The following PDS5B variants were observed in gnomAD, a reference collection of about 807,000 sequenced individuals.
The protein encoded by PDS5B is PDS5 cohesin associated factor B.
In PDS5B, 51 loss-of-function variants were observed where a neutral mutation model predicts 184.1. The ratio of observed to expected loss-of-function variants is 0.28; its 90% CI spans 0.22 to 0.35. The LOEUF (loss-of-function observed/expected upper bound fraction) is 0.35. Ranked by LOEUF, PDS5B falls within the 10% of genes least tolerant of loss-of-function variation. The pLI is 1.00. For synonymous variants in PDS5B, 566 were observed against 569.2 expected, an observed-to-expected ratio of 0.99 and a Z score of 0.08; for missense variants, 1,180 against 1,723.3, an observed-to-expected ratio of 0.68 and a Z score of 5.58.
Position 32,775,728 on chromosome 13 carries a change from G to T in PDS5B, c.*676G>T. 1 of 435,946 alleles carries T rather than the reference G, an allele frequency of 2.3e-6. No individual in the cohort carries two copies. Among genetic ancestry groups the T allele is most frequent in the Non-Finnish European group, 4.6e-6 (1 of 219,510 alleles). 27.0% of individuals were successfully genotyped at this position (435,946 alleles called of 1,614,324 possible). On this transcript the variant is annotated 3_prime_UTR_variant, in exon 35 of 35. Transcript: ENST00000315596. ...TTGGATTACTTTACACCTCAGTATT[G>T]ATTTGTCCCAGAATTTTCTGGCCTT... is the stretch of plus-strand genomic sequence containing the variant.
In PDS5B at chr13:32,706,914, CT is replaced by C; in HGVS notation, c.1857-14del. The C allele has an allele frequency of 3.3e-6, 5 of 1,512,414 alleles. No individual in the cohort carries two copies. Among genetic ancestry groups the C allele is most frequent in the Admixed American group, 1.8e-5 (1 of 55,748 alleles). The allele number at this position is 1,512,414 out of a possible 1,614,324, so 93.7% of individuals were successfully genotyped here. A position where few individuals can be genotyped will look rare whatever the true frequency, so the allele number is the denominator to read the frequency against. On this transcript the variant is annotated intron_variant, in intron 17 of 34. Transcript: ENST00000315596. ...TTGCTAGTAACATTTGAAAAAATGA[CT>C]TTTTTGGTCATATTTTAGTGCTCTT...
chr13:32,638,919 C>T (rs2058610992), intron 1 of PDS5B, among the ~76,000 whole-genome samples: 1 of 151,840 alleles, frequency 6.6e-6, no homozygotes, highest in Admixed American at 6.6e-5. Flanking sequence ...CGTTTGATGG[C>T]GCTTCTGTTT....
chr13:32,681,217 T>C (rs1199862281), intron 10 of PDS5B, among the ~76,000 whole-genome samples: 1 of 152,198 alleles, frequency 6.6e-6, no homozygotes, highest in Non-Finnish European at 1.5e-5. Context: ...TATAGAAGAT[T>C]CTTTCTTTCT....
chr13:32,674,446 T>C (rs1951015619), intron 8 of PDS5B, among the ~76,000 whole-genome samples: 1 of 152,126 alleles, frequency 6.6e-6, no homozygotes, highest in Non-Finnish European at 1.5e-5. Flanking sequence ...CCTGTCCCCT[T>C]TTTAATGTGG....
chr13:32,647,935 G>T (rs573193508), intron 1 of PDS5B, among the ~76,000 whole-genome samples: 2 of 152,144 alleles, frequency 1.3e-5, no homozygotes, highest in Non-Finnish European at 2.9e-5. Flanking sequence ...CTCTAGGCAG[G>T]ACTTGGATTT....
At chr13:32,621,591 A>T (rs2058302387) in intron 1 of PDS5B, among the ~76,000 whole-genome samples, 1 of 152,164 alleles carries the variant, frequency 6.6e-6, no homozygotes, top group Non-Finnish European at 1.5e-5. Context: ...TCTTTTTGGG[A>T]AGATTTTAAC....
intron 19 of PDS5B, among the ~76,000 whole-genome samples, chr13:32,720,974 T>A (rs1952655829): frequency 6.6e-6 from 1 of 152,064 alleles, no homozygotes; most frequent in East Asian, 1.9e-4. Flanking sequence ...GGTTATAGAT[T>A]AACAGCATCC....
intron 24 of PDS5B, among the ~76,000 whole-genome samples, chr13:32,747,736 T>A (rs1419701894): frequency 1.3e-5 from 2 of 152,248 alleles, no homozygotes; most frequent in African/African-American, 4.8e-5. Flanking sequence ...TATGTAATTA[T>A]TTTATTAAAT....
intron 9 of PDS5B, among the ~76,000 whole-genome samples, chr13:32,677,344 CTT>C: frequency 6.6e-6 from 1 of 152,004 alleles, no homozygotes; most frequent in Admixed American, 6.5e-5. Flanking sequence ...TAAATTAAGA[CTT>C]GGATTAGCTG....
intron 1 of PDS5B, among the ~76,000 whole-genome samples, chr13:32,623,091 G>A (rs938624314): frequency 3.3e-5 from 5 of 152,146 alleles, no homozygotes; most frequent in African/African-American, 1.2e-4. Context: ...CTGTTTTCGT[G>A]TGCTGAATCA....
chr13:32,701,373 C>T lies in PDS5B; in HGVS notation c.1791C>T (p.Phe597=). 6.2e-7 allele frequency: 1 copy of T among 1,612,788 alleles called. No individual in the cohort carries two copies. Residue 597 remains phenylalanine, a synonymous_variant, in exon 17 of 35, where the codon TTC becomes TTT. Transcript: ENST00000315596. ...ACCCCAAACAGCCTACAAATCCTTT[C>T]CTGGAAATGATCAAGTTTCTCTTGG... ...LGNPKQPTNP[F]LEMIKFLLER... is the part of the protein sequence containing the mutation.
Position 32,658,342 on chromosome 13 carries a change from A to G in PDS5B, c.399+17A>G. 3 of 1,420,064 alleles carry G rather than the reference A, an allele frequency of 2.1e-6. 1 individual carries two copies. Among genetic ancestry groups the G allele is most frequent in the South Asian group, 2.4e-5 (2 of 83,770 alleles). 88.0% of individuals were successfully genotyped at this position (1,420,064 alleles called of 1,614,324 possible). A position where few individuals can be genotyped will look rare whatever the true frequency, so the allele number is the denominator to read the frequency against. On this transcript the variant is annotated intron_variant, in intron 4 of 34. Transcript: ENST00000315596. Reference sequence around the variant, plus strand: ...TTACTTGAGGTAAGCAATATCTTGTATCTTGAGATGACATTTTAAACTGAT... The same window carrying G: ...TTACTTGAGGTAAGCAATATCTTGTGTCTTGAGATGACATTTTAAACTGAT...
chr13:32,599,322 G>A (rs1469920619), intron 1 of PDS5B, among the ~76,000 whole-genome samples: 1 of 151,762 alleles, frequency 6.6e-6, no homozygotes, highest in Non-Finnish European at 1.5e-5. Flanking sequence ...GGAGTGCAGT[G>A]GCGTGATCTC....
chr13:32,753,046 T>G (rs1026716693), intron 24 of PDS5B, among the ~76,000 whole-genome samples: 8 of 152,226 alleles, frequency 5.3e-5, no homozygotes, highest in African/African-American at 1.9e-4. Context: ...CCTTAATTTT[T>G]GTATCTTATT....
intron 18 of PDS5B, among the ~76,000 whole-genome samples, chr13:32,709,372 T>A (rs1172102411): frequency 5.3e-5 from 8 of 152,048 alleles, no homozygotes; most frequent in Admixed American, 1.3e-4. Flanking sequence ...CAGGACTATT[T>A]ATTTTCTGTT....
At chr13:32,737,392 T>C (rs1299146078) in intron 21 of PDS5B, among the ~76,000 whole-genome samples, 1 of 152,156 alleles carries the variant, frequency 6.6e-6, no homozygotes, top group Non-Finnish European at 1.5e-5. Flanking sequence ...CTTAATGGGC[T>C]CAGGATTCTT....
intron 24 of PDS5B, among the ~76,000 whole-genome samples, chr13:32,747,112 G>A (rs1953775230): frequency 6.6e-6 from 1 of 152,218 alleles, no homozygotes; most frequent in East Asian, 1.9e-4. Flanking sequence ...CAGTTTTATG[G>A]ATTTCTTGTT....
chr13:32,651,784 G>T lies in PDS5B; in HGVS notation c.109-20G>T. The T allele has an allele frequency of 2.7e-6, 4 of 1,483,144 alleles. No individual in the cohort carries two copies. Among genetic ancestry groups the T allele is most frequent in the South Asian group, 2.3e-5 (2 of 86,494 alleles). The allele number at this position is 1,483,144 out of a possible 1,614,324, so 91.9% of individuals were successfully genotyped here. ...TTTTACATGGAGCATTTCATTATTT[G>T]ATTTTTTATTTTTGTATAGATGGTT... On this transcript the variant is annotated intron_variant, in intron 2 of 34. Transcript: ENST00000315596.
chr13:32,652,561 G>A (rs1950394198), intron 3 of PDS5B: 1 of 141,902 alleles, frequency 7.0e-6, no homozygotes, highest in Admixed American at 7.3e-5. Context: ...AACATAGCAA[G>A]GCGTTGTCTC....
Sources: allele counts gnomAD v4.1 joint callset (sites outside exome capture counted in the v4.1 genomes callset), GRCh38; gene constraint gnomAD v4.1.1; transcripts MANE v1.5; gene names NCBI Gene and HGNC (gene_info 2026-07-23, HGNC 2026-07-21).